ASIC2: variants seen among roughly 807,000 people sequenced by gnomAD.
ASIC2 encodes acid sensing ion channel subunit 2, also known as acid-sensing ion channel 2.
Under a neutral mutation model 57.3 loss-of-function variants are expected in ASIC2, and 25 were observed. The observed-to-expected ratio is 0.44, with a 90% confidence interval of 0.32 to 0.61. ASIC2 has a LOEUF of 0.61. ASIC2 is among the 20% of genes least tolerant of loss of function. The pLI, the probability that ASIC2 is intolerant of heterozygous loss-of-function variation, is 0.06. For synonymous variants in ASIC2, 319 were observed against 307.5 expected (o/e 1.04, Z -0.39); for missense variants, 641 against 738.1 (o/e 0.87, Z 1.52).
intron 1 of ASIC2, among the ~76,000 whole-genome samples, chr17:33,577,160 T>C (rs1233038032): frequency 6.6e-6 from 1 of 152,076 alleles, no homozygotes; most frequent in Non-Finnish European, 1.5e-5. Context: ...CTCTCTCCAT[T>C]GCCACTGAGT....
intron 1 of ASIC2, among the ~76,000 whole-genome samples, chr17:33,155,440 C>T (rs1326568213): frequency 6.6e-6 from 1 of 152,146 alleles, no homozygotes; most frequent in Non-Finnish European, 1.5e-5. Context: ...ACTTCTGAAC[C>T]CCTTTAGATG....
intron 1 of ASIC2, among the ~76,000 whole-genome samples, chr17:33,823,776 T>C (rs528437755): frequency 1.3e-5 from 2 of 152,328 alleles, no homozygotes; most frequent in African/African-American, 4.8e-5. Context: ...GGCTTCAGCA[T>C]TGGAAGTTTT....
At chr17:33,290,184 T>C (rs59402564) in intron 1 of ASIC2, among the ~76,000 whole-genome samples, 2,393 of 152,346 alleles carry the variant, frequency 0.016, 62 homozygotes, top group African/African-American at 0.055. Context: ...ATTGCCTTCC[T>C]AGACAAGGAA....
At chr17:33,215,423 G>T (rs1446074041) in intron 1 of ASIC2, among the ~76,000 whole-genome samples, 1 of 152,164 alleles carries the variant, frequency 6.6e-6, no homozygotes, top group Non-Finnish European at 1.5e-5. Flanking sequence ...AGAATGAGTT[G>T]TAATTTATGA....
chr17:34,099,768 AAGAAAGAAAGAAAGAAAG>A (rs1910780424), intron 1 of ASIC2, among the ~76,000 whole-genome samples: 1 of 39,160 alleles, frequency 2.6e-5, no homozygotes, highest in African/African-American at 8.9e-5. Flanking sequence ...GAAAGAAAGA[AAGAAAGAAAGAAAGAAAG>A]AAAGAAAGAA....
chr17:33,428,613 T>C lies in ASIC2; in HGVS notation c.556-316546A>G, dbSNP rs148762883. Among the ~76,000 whole-genome samples, 34 of 152,204 alleles carry C rather than the reference T, an allele frequency of 2.2e-4. No homozygotes were observed. The East Asian group carries it at 6.2e-3, about 28-fold the overall frequency. ...CAGGGAAGGAAATCAAGTGGCCTCA[T>C]TGGAGGGAAGAAGAGAGGTCCAGAG... On this transcript the variant is annotated intron_variant, in intron 1 of 9. Coordinates refer to the ASIC2 transcript ENST00000359872.
At chr17:33,739,913 AAAAGAAAAAAG>A (rs1259543761) in intron 1 of ASIC2, among the ~76,000 whole-genome samples, 8 of 151,166 alleles carry the variant, frequency 5.3e-5, no homozygotes, top group African/African-American at 1.5e-4. Context: ...AGAAAGAAAG[AAAAGAAAAAAG>A]AAAGAAAAAA....
At position 33,312,624 on chromosome 17, in the gene ASIC2, A is replaced by G. The variant is rs1906477527; in HGVS notation, c.556-200557T>C. ...TTTTTGGAGAGAAGTAAATATATCC[A>G]TAAAGATCACCAAGAAAGAGTCAGT... is the stretch of plus-strand genomic sequence containing the variant. On this transcript the variant is annotated intron_variant, in intron 1 of 9. Coordinates refer to the ASIC2 transcript ENST00000359872. 2.6e-5 allele frequency among the ~76,000 whole-genome samples: 4 copies of G among 152,310 alleles called. No individual in the cohort carries two copies. In the South Asian group the frequency reaches 8.3e-4, roughly 32 times the overall value.
At chr17:33,354,194 T>A (rs1322190989) in intron 1 of ASIC2, among the ~76,000 whole-genome samples, 1 of 152,124 alleles carries the variant, frequency 6.6e-6, no homozygotes, top group Non-Finnish European at 1.5e-5. Context: ...GTGGGAATTA[T>A]CACAATTCAA....
At chr17:33,473,709 G>A (rs1262765367) in intron 1 of ASIC2, among the ~76,000 whole-genome samples, 1 of 152,132 alleles carries the variant, frequency 6.6e-6, no homozygotes, top group Non-Finnish European at 1.5e-5. Flanking sequence ...AGAAATAAAT[G>A]AGGAACCTAG....
chr17:34,028,502 G>A (rs1021710312), intron 1 of ASIC2, among the ~76,000 whole-genome samples: 1 of 152,106 alleles, frequency 6.6e-6, no homozygotes, highest in Non-Finnish European at 1.5e-5. Flanking sequence ...CATTATGCTC[G>A]AGTCAACCTT....
At chr17:33,302,582 C>T (rs1906003493) in intron 1 of ASIC2, among the ~76,000 whole-genome samples, 1 of 152,214 alleles carries the variant, frequency 6.6e-6, no homozygotes, top group African/African-American at 2.4e-5. Context: ...CTAGCCACAG[C>T]TCTCCTGTCT....
At chr17:33,807,405 T>G (rs1912298955) in intron 1 of ASIC2, among the ~76,000 whole-genome samples, 1 of 152,198 alleles carries the variant, frequency 6.6e-6, no homozygotes, top group African/African-American at 2.4e-5. Context: ...TGCTGGGTGC[T>G]GCTAATGCAG....
intron 1 of ASIC2, among the ~76,000 whole-genome samples, chr17:33,840,522 C>T (rs1913403591): frequency 6.6e-6 from 1 of 152,194 alleles, no homozygotes; most frequent in East Asian, 1.9e-4. Context: ...GATGTTCCCG[C>T]TCTCCATGGA....
At chr17:33,294,648 C>T (rs1255980957), upstream of ASIC2, among the ~76,000 whole-genome samples, 1 of 152,140 alleles carries the variant, frequency 6.6e-6, no homozygotes, top group Non-Finnish European at 1.5e-5. Context: ...ACATACAACA[C>T]ACATATACAT....
chr17:33,025,907 C>G lies in ASIC2; in HGVS notation c.1195+19G>C, dbSNP rs201118299. 2.6e-5 allele frequency: 42 copies of G among 1,592,526 alleles called. No individual in the cohort carries two copies. The highest frequency in any genetic ancestry group is 5.4e-5 in the African/African-American group (4 of 73,588). Reference sequence around the variant, plus strand: ...AGGCCCCCGGCCCCCATGATTCCATCTGTCCCCTGAGTACTGACCTAGGGC... The same window carrying G: ...AGGCCCCCGGCCCCCATGATTCCATGTGTCCCCTGAGTACTGACCTAGGGC... On this transcript the variant is annotated intron_variant, in intron 5 of 9. Transcript: ENST00000225823.
chr17:33,332,932 A>G (rs574921424), intron 1 of ASIC2, among the ~76,000 whole-genome samples: 1 of 152,344 alleles, frequency 6.6e-6, no homozygotes, highest in South Asian at 2.1e-4. Flanking sequence ...TCAGATTCAT[A>G]CAGAAATTAT....
intron 1 of ASIC2, 154 bp from the exon 2 acceptor site, chr17:33,112,221 G>T: frequency 9.8e-7 from 1 of 1,021,890 alleles, no homozygotes; most frequent in African/African-American, 1.6e-5. Flanking sequence ...TTTCATCCTG[G>T]CTGTGGGCCT....
intron 1 of ASIC2, among the ~76,000 whole-genome samples, chr17:33,684,397 T>C (rs1043937979): frequency 2.6e-5 from 4 of 151,952 alleles, no homozygotes; most frequent in Admixed American, 2.6e-4. Flanking sequence ...ACGTTTTAAA[T>C]ATATCGGGCA....
Sources: allele counts gnomAD v4.1 joint callset (sites outside exome capture counted in the v4.1 genomes callset), GRCh38; gene constraint gnomAD v4.1.1; transcripts MANE v1.5; gene names NCBI Gene and HGNC (gene_info 2026-07-23, HGNC 2026-07-21).